CORO7: variants seen among roughly 807,000 people sequenced by gnomAD.
The protein encoded by CORO7 is coronin 7.
In CORO7, 107 loss-of-function variants were observed where a neutral mutation model predicts 126.6. The ratio of observed to expected loss-of-function variants is 0.85; its 90% confidence interval spans 0.72 to 0.99. The LOEUF (loss-of-function observed/expected upper bound fraction) is 0.99. CORO7 is among the 50% of genes least tolerant of loss of function. The pLI, the probability that CORO7 is intolerant of heterozygous loss-of-function variation, is 0.00. For missense variants in CORO7, 1,314 were observed against 1,255.8 expected (o/e 1.05, Z -0.70); for synonymous variants, 603 against 536.8 (o/e 1.12, Z -1.70).
At chr16:4,379,513 C>G (rs904137551) in intron 9 of CORO7, among the ~76,000 whole-genome samples, 1 of 152,158 alleles carries the variant, frequency 6.6e-6, no homozygotes, top group Non-Finnish European at 1.5e-5. Flanking sequence ...CACCTGGGCT[C>G]TAGCTCGGAC....
chr16:4,361,653 C>T (rs1317671003), intron 16 of CORO7, 184 bp from the exon 17 acceptor site: 1 of 828,814 alleles, frequency 1.2e-6, no homozygotes, highest in Admixed American at 2.0e-5. Flanking sequence ...AACCACAAGG[C>T]CCCAGAGAGT....
chr16:4,399,132 C>T (rs145768470), intron 6 of CORO7, among the ~76,000 whole-genome samples: 77 of 152,298 alleles, frequency 5.1e-4, no homozygotes, highest in African/African-American at 1.7e-3. Flanking sequence ...AACCCCACTT[C>T]TGGGTACATA....
At chr16:4,405,932 A>C (rs1054037220) in intron 5 of CORO7, among the ~76,000 whole-genome samples, 2 of 152,158 alleles carry the variant, frequency 1.3e-5, no homozygotes, top group Admixed American at 6.5e-5. Flanking sequence ...TGAGGTCTTA[A>C]AATACTTCTC....
chr16:4,402,711 C>T (rs960347095), intron 6 of CORO7, among the ~76,000 whole-genome samples: 1 of 152,196 alleles, frequency 6.6e-6, no homozygotes, highest in Non-Finnish European at 1.5e-5. Context: ...AGAGTGGGCA[C>T]TGAGGCTGCT....
In CORO7 at chr16:4,362,605, T is replaced by C. The variant is rs370618535; in HGVS notation, c.1402+7A>G. ...GTAGGGGTGAGCTCCCCGTCCTGCC[T>C]CCTTACCCAGCAGGCTCTGCAGCGA... On this transcript the variant is annotated splice_region_variant and intron_variant, in intron 15 of 27. Transcript: ENST00000251166. This position sits in a 1 kb window ranked among gnomAD's most constrained non-coding sequence, Gnocchi z 5.3. The C allele has an allele frequency of 3.4e-5, 53 of 1,551,812 alleles. No homozygotes were observed. Among genetic ancestry groups the C allele is most frequent in the Admixed American group, 6.0e-5 (3 of 50,362 alleles).
Position 4,361,389 on chromosome 16 carries a change from G to A in CORO7, c.1659C>T (p.Asp553=). The change falls in exon 17 of 28, where the codon GAC becomes GAT. Residue 553 remains aspartate, a synonymous_variant. Coordinates refer to ENST00000251166, the MANE Select transcript of CORO7 (RefSeq NM_024535.5). The stretch of plus-strand genomic sequence containing the variant: ...CAGCGAGGCGATGGGGGTCAAAGGG[G>A]TCCCAGGCCAGATCAGTCACAGCTG... ...NGAAVTDLAW[D]PFDPHRLAVA... is the part of the protein sequence containing the mutation. 6.2e-7 allele frequency: 1 copy of A among 1,612,110 alleles called. No individual in the cohort carries two copies. The highest frequency in any genetic ancestry group is 1.1e-5 in the South Asian group (1 of 91,038).
At chr16:4,406,884 C>T (rs1180538966) in intron 5 of CORO7, among the ~76,000 whole-genome samples, 1 of 152,030 alleles carries the variant, frequency 6.6e-6, no homozygotes, top group Non-Finnish European at 1.5e-5. Context: ...CGTGATCCAC[C>T]CGCCTTGGCC....
rs565386785 is a variant in CORO7, at chr16:4,381,465, G to A, written c.785+6521C>T. ...TCCTGGACACTGCCAACGTGGAGGCGCTGCGGCTGGCTGGTCTGGGGCTGC... is the reference window on the plus strand; with the variant it reads ...TCCTGGACACTGCCAACGTGGAGGCACTGCGGCTGGCTGGTCTGGGGCTGC... On this transcript the variant is annotated intron_variant, in intron 9 of 27. Coordinates refer to ENST00000251166, the MANE Select transcript of CORO7 (RefSeq NM_024535.5). The A allele has an allele frequency of 1.5e-5, 24 of 1,579,038 alleles. 1 individual carries two copies. The highest frequency in any genetic ancestry group is 1.7e-4 in the Middle Eastern group (1 of 5,978).
At chr16:4,402,178 A>G (rs2055834127) in intron 6 of CORO7, among the ~76,000 whole-genome samples, 1 of 151,966 alleles carries the variant, frequency 6.6e-6, no homozygotes, top group African/African-American at 2.4e-5. Context: ...ACCTCAGGTG[A>G]TCCGCCTGCT....
intron 9 of CORO7, among the ~76,000 whole-genome samples, chr16:4,366,258 G>A (rs1180752562): frequency 6.6e-6 from 1 of 152,218 alleles, no homozygotes; most frequent in Non-Finnish European, 1.5e-5. Context: ...CGAGGCAGGA[G>A]CAGGGCGGGG....
chr16:4,358,621 A>G (rs942887601), intron 23 of CORO7, 138 bp from the exon 24 acceptor site: 1 of 688,026 alleles, frequency 1.5e-6, no homozygotes, highest in Non-Finnish European at 2.2e-6. Context: ...CGTGTTGATC[A>G]TGTTGAACAA....
chr16:4,415,930 C>T, intron 1 of CORO7: 1 of 983,606 alleles, frequency 1.0e-6, no homozygotes, highest in Non-Finnish European at 1.2e-6. Context: ...GAGGAGGAAG[C>T]ACCGGCGGAA....
intron 9 of CORO7, chr16:4,383,668 C>T (rs2055087394): frequency 6.0e-6 from 1 of 165,438 alleles, no homozygotes; most frequent in Admixed American, 6.5e-5. Flanking sequence ...GTGCCATCCA[C>T]CCTAGGCTTG....
chr16:4,360,655 T>C, intron 19 of CORO7, 107 bp from the exon 20 acceptor site: 1 of 1,411,850 alleles, frequency 7.1e-7, no homozygotes, highest in Non-Finnish European at 9.5e-7. Context: ...TCCTCACTGC[T>C]GTTCCCGCCT....
chr16:4,382,315 C>T (rs376196822), intron 9 of CORO7: 83 of 1,610,866 alleles, frequency 5.2e-5, no homozygotes, highest in Non-Finnish European at 6.7e-5. Context: ...GCGCGTGGGG[C>T]TGCAGCGCTA....
Position 4,412,413 on chromosome 16 carries a change from G to A in CORO7, c.175C>T (p.Pro59Ser). Residue 59 changes from proline to serine, a missense_variant, in exon 3 of 28, where the codon CCT becomes TCT. Transcript: ENST00000251166. ...SDRPGVLGIV[P>S]LQGQGEDKRR... is the part of the protein sequence containing the mutation. The stretch of plus-strand genomic sequence containing the variant: ...TTGTCCTCTCCTTGGCCTTGCAGAG[G>A]CACAATGCCCAGTACACCTGTTAAA... 1.2e-6 allele frequency: 2 copies of A among 1,614,186 alleles called. No individual in the cohort carries two copies. The highest frequency in any genetic ancestry group is 1.1e-5 in the South Asian group (1 of 91,088).
In CORO7 at chr16:4,388,579, G is replaced by C; in HGVS notation, c.668C>G (p.Thr223Ser). 2.5e-6 allele frequency: 4 copies of C among 1,613,132 alleles called. No individual in the cohort carries two copies. Among genetic ancestry groups the C allele is most frequent in the Non-Finnish European group, 3.4e-6 (4 of 1,179,856 alleles). ...TCCAGTAGACACAAGGTGCTCCCAG[G>C]TGCCCATCCATGCCAGCCGGCTATC... Reference protein sequence around the residue: ...SRDSRLAWMGTWEHLVSTGFN... With the variant: ...SRDSRLAWMGSWEHLVSTGFN... The change falls in exon 8 of 28, where the codon ACC becomes AGC. Residue 223 changes from threonine to serine, a missense_variant. Coordinates refer to ENST00000251166, the MANE Select transcript of CORO7 (RefSeq NM_024535.5).
In CORO7 at chr16:4,382,555, C is replaced by T. The variant is rs1299054860; in HGVS notation, c.785+5431G>A. 6.3e-6 allele frequency: 10 copies of T among 1,593,504 alleles called. No individual in the cohort carries two copies. In the South Asian group the frequency reaches 6.8e-5, roughly 11 times the overall value. ...GGAGGCCCATACACCCCCAGCCGTC[C>T]ACTCCAACCACGCCCCAGTCACCCA... On this transcript the variant is annotated intron_variant, in intron 9 of 27. Transcript: ENST00000251166.
chr16:4,361,916 C>T lies in CORO7; in HGVS notation c.1578+69G>A, dbSNP rs762683127. 8 of 1,545,340 alleles carry T rather than the reference C, an allele frequency of 5.2e-6. 1 individual carries two copies. The South Asian group carries it at 9.5e-5, about 18-fold the overall frequency. ...TGTGCTCCCTGTGTTGTGTGGGTAG[C>T]TAAGGCCCTCCGCGTCTTTGCCACA... is the stretch of plus-strand genomic sequence containing the variant. On this transcript the variant is annotated intron_variant, in intron 16 of 27. Coordinates refer to ENST00000251166, the MANE Select transcript of CORO7 (RefSeq NM_024535.5).
Sources: allele counts gnomAD v4.1 joint callset (sites outside exome capture counted in the v4.1 genomes callset), GRCh38; gene constraint gnomAD v4.1.1; non-coding constraint Gnocchi (gnomAD v3.1); transcripts MANE v1.5; gene names NCBI Gene and HGNC (gene_info 2026-07-23, HGNC 2026-07-21).